KAZN: variants seen among roughly 807,000 people sequenced by gnomAD.
KAZN encodes the protein kazrin.
Under a neutral mutation model 87.4 loss-of-function variants are expected in KAZN, and 40 were observed. The observed-to-expected ratio is 0.46, with a 90% CI of 0.36 to 0.60. The LOEUF (loss-of-function observed/expected upper bound fraction) is 0.60, where lower values mean the gene tolerates loss of function less well. KAZN is among the 20% of genes least tolerant of loss of function. The pLI is 0.00. For missense variants in KAZN, 898 were observed against 1,073.9 expected (o/e 0.84, Z 2.29); for synonymous variants, 466 against 458.3 (o/e 1.02, Z -0.22).
rs1303003301 is a variant in KAZN, at chr1:14,270,850, AT to A, written c.249+90264del. On this transcript the variant is annotated intron_variant, in intron 2 of 16. Coordinates refer to the KAZN transcript ENST00000636203. ...CAATGCTTTATTTTCTCTGAGTTTG[AT>A]TTTTTACCCCTTCCATCCTCACTTG... is the stretch of plus-strand genomic sequence containing the variant. Among the ~76,000 whole-genome samples the A allele has an allele frequency of 2.0e-5, 3 of 151,916 alleles. No homozygotes were observed. The East Asian group carries it at 5.8e-4, about 30-fold the overall frequency.
chr1:14,215,472 C>G (rs1363507224), intron 2 of KAZN, among the ~76,000 whole-genome samples: 2 of 152,190 alleles, frequency 1.3e-5, no homozygotes, highest in Non-Finnish European at 2.9e-5. Context: ...ATCCTAACAA[C>G]TGGGGATTCA....
At chr1:15,055,698 G>A (rs575214161) in intron 4 of KAZN, among the ~76,000 whole-genome samples, 60 of 152,184 alleles carry the variant, frequency 3.9e-4, no homozygotes, top group Non-Finnish European at 5.4e-4. Context: ...CACTATATAA[G>A]ATGGGGAGAC....
At chr1:14,942,687 C>T (rs944073862) in intron 1 of KAZN, among the ~76,000 whole-genome samples, 3 of 152,156 alleles carry the variant, frequency 2.0e-5, no homozygotes, top group East Asian at 1.9e-4. Context: ...GATGGAAGGA[C>T]GCTTTTGCCC....
chr1:14,301,853 C>G (rs1654577009), intron 2 of KAZN, among the ~76,000 whole-genome samples: 1 of 152,342 alleles, frequency 6.6e-6, no homozygotes, highest in Non-Finnish European at 1.5e-5. Flanking sequence ...CTCCGAGAGG[C>G]CTTCCTTGAC....
chr1:14,889,845 C>T (rs948411924), intron 1 of KAZN, among the ~76,000 whole-genome samples: 2 of 152,178 alleles, frequency 1.3e-5, no homozygotes, highest in African/African-American at 4.8e-5. Context: ...GCAGTTGGGA[C>T]AGAGACCATT....
intron 1 of KAZN, among the ~76,000 whole-genome samples, chr1:14,667,145 AT>A (rs1639612545): frequency 6.6e-6 from 1 of 152,106 alleles, no homozygotes; most frequent in South Asian, 2.1e-4. Flanking sequence ...ATGGATGTGA[AT>A]TTTTTGTGGA....
chr1:14,823,678 G>A (rs1274888800), intron 1 of KAZN, among the ~76,000 whole-genome samples: 1 of 152,154 alleles, frequency 6.6e-6, no homozygotes, highest in African/African-American at 2.4e-5. Context: ...AAGAAAGCTT[G>A]GGAGTGGGAG....
intron 2 of KAZN, among the ~76,000 whole-genome samples, chr1:14,271,326 A>C (rs1651907602): frequency 6.6e-6 from 1 of 152,208 alleles, no homozygotes; most frequent in Non-Finnish European, 1.5e-5. Flanking sequence ...GTAGCAGGTA[A>C]GGGGAGGAAC....
intron 1 of KAZN, among the ~76,000 whole-genome samples, chr1:13,959,535 T>A (rs1641673932): frequency 6.6e-6 from 1 of 152,182 alleles, no homozygotes; most frequent in Non-Finnish European, 1.5e-5. Flanking sequence ...TGATTGGCAG[T>A]CCATCCCTCT....
At chr1:14,972,194 C>T (rs1665123947) in intron 2 of KAZN, among the ~76,000 whole-genome samples, 1 of 152,216 alleles carries the variant, frequency 6.6e-6, no homozygotes, top group Admixed American at 6.5e-5. Context: ...AGCATGGCCT[C>T]CATCACTGTG....
chr1:14,902,944 T>G (rs1332751037), intron 1 of KAZN, among the ~76,000 whole-genome samples: 1 of 150,088 alleles, frequency 6.7e-6, no homozygotes, highest in Non-Finnish European at 1.5e-5. Context: ...CTTGGGTCAC[T>G]GCAACCTCCA....
intron 2 of KAZN, among the ~76,000 whole-genome samples, chr1:14,286,101 A>G (rs1377657084): frequency 2.0e-5 from 3 of 152,166 alleles, no homozygotes; most frequent in Non-Finnish European, 4.4e-5. Context: ...TAAAAGTACC[A>G]CACACTGCGT....
chr1:14,567,007 C>T (rs1036280103), intron 2 of KAZN, among the ~76,000 whole-genome samples: 15 of 152,312 alleles, frequency 9.8e-5, no homozygotes, highest in African/African-American at 3.6e-4. Flanking sequence ...CCTTCAAGAA[C>T]TTTTCTTTTG....
At chr1:14,037,247 T>C (rs1392039791) in intron 1 of KAZN, among the ~76,000 whole-genome samples, 1 of 152,234 alleles carries the variant, frequency 6.6e-6, no homozygotes, top group Non-Finnish European at 1.5e-5. Flanking sequence ...CTTGTTAAGA[T>C]GCATGATCAT....
intron 1 of KAZN, among the ~76,000 whole-genome samples, chr1:14,799,348 T>G (rs1411653396): frequency 6.6e-6 from 1 of 152,224 alleles, no homozygotes; most frequent in Non-Finnish European, 1.5e-5. Flanking sequence ...CATCTCTTCA[T>G]CCAGAAAGGC....
At chr1:14,142,044 T>C (rs1287249258) in intron 1 of KAZN, among the ~76,000 whole-genome samples, 1 of 152,162 alleles carries the variant, frequency 6.6e-6, no homozygotes, top group Non-Finnish European at 1.5e-5. Context: ...ATTTATCTAC[T>C]GTAGAAGCAA....
At chr1:14,676,600 G>A (rs899383069) in intron 1 of KAZN, among the ~76,000 whole-genome samples, 10 of 152,180 alleles carry the variant, frequency 6.6e-5, no homozygotes, top group Admixed American at 4.6e-4. Context: ...TCCATACAAC[G>A]GAGTATTATC....
At chr1:14,418,521 G>A (rs1665030193) in intron 2 of KAZN, among the ~76,000 whole-genome samples, 1 of 152,134 alleles carries the variant, frequency 6.6e-6, no homozygotes, top group Non-Finnish European at 1.5e-5. Flanking sequence ...TGTTCTTGGT[G>A]CAAGGAAAAG....
At position 14,909,930 on chromosome 1, in the gene KAZN, G is replaced by A. The variant is rs184496923; in HGVS notation, c.227-50754G>A. On this transcript the variant is annotated intron_variant, in intron 1 of 14. Transcript: ENST00000376030. The stretch of plus-strand genomic sequence containing the variant: ...TAGCCAGGCACGGTGGCGTGTGCTT[G>A]TAGTCCCAGCTACTCGGGAGGCTGA... 3.3e-3 allele frequency among the ~76,000 whole-genome samples: 510 copies of A among 152,276 alleles called. 4 individuals carry two copies. Among genetic ancestry groups the A allele is most frequent in the Non-Finnish European group, 4.8e-3 (324 of 68,012 alleles).
Sources: gnomAD v4.1 joint callset for allele counts (sites outside exome capture counted in the v4.1 genomes callset) on GRCh38, gnomAD v4.1.1 for gene constraint, MANE v1.5 for transcripts, NCBI Gene and HGNC (gene_info 2026-07-23, HGNC 2026-07-21) for gene names.